The following SDCCAG8 variants were observed in gnomAD, a reference collection of about 807,000 sequenced individuals.
SDCCAG8 encodes the protein serologically defined colon cancer antigen 8.
A neutral mutation model predicts 101.8 loss-of-function variants in SDCCAG8; 74 were observed. The observed-to-expected ratio is 0.73, with a 90% CI of 0.60 to 0.88. SDCCAG8 has a LOEUF of 0.88. Among genes scored for constraint, SDCCAG8 ranks in the 40% least tolerant of loss-of-function variants. The pLI, the probability that SDCCAG8 is intolerant of heterozygous loss-of-function variation, is 0.00. For missense variants in SDCCAG8, 787 were observed against 822.6 expected (o/e 0.96, Z 0.53); for synonymous variants, 281 against 292.9 (o/e 0.96, Z 0.41).
chr1:243,275,868 T>C (rs1052538701), intron 4 of SDCCAG8, among the ~76,000 whole-genome samples: 2 of 136,000 alleles, frequency 1.5e-5, no homozygotes, highest in African/African-American at 5.7e-5. Context: ...TTTTTTTTTT[T>C]TTTTTTTTTT....
At chr1:243,319,666 C>T (rs916655161) in intron 9 of SDCCAG8, among the ~76,000 whole-genome samples, 4 of 152,162 alleles carry the variant, frequency 2.6e-5, no homozygotes, top group African/African-American at 4.8e-5. Flanking sequence ...AGCCACCGCG[C>T]CTGGCCCCTT....
At chr1:243,385,411 GA>G in intron 13 of SDCCAG8, among the ~76,000 whole-genome samples, 1 of 152,128 alleles carries the variant, frequency 6.6e-6, no homozygotes, top group Middle Eastern at 3.4e-3. Flanking sequence ...AAAAAAGTAA[GA>G]AAAAGAACAT....
intron 11 of SDCCAG8, 99 bp downstream of exon 11, chr1:243,341,272 G>A: frequency 7.3e-7 from 1 of 1,363,048 alleles, no homozygotes; most frequent in Non-Finnish European, 1.0e-6. Context: ...TCAGGAGGAA[G>A]TTTGGAGTAG....
intron 12 of SDCCAG8, among the ~76,000 whole-genome samples, chr1:243,349,218 T>C (rs1310885783): frequency 6.6e-6 from 1 of 152,206 alleles, no homozygotes; most frequent in Non-Finnish European, 1.5e-5. Flanking sequence ...CACTCACATA[T>C]ACAGACACAT....
chr1:243,348,775 C>T (rs2075899008), intron 12 of SDCCAG8, among the ~76,000 whole-genome samples: 1 of 148,988 alleles, frequency 6.7e-6, no homozygotes, highest in African/African-American at 2.5e-5. Flanking sequence ...GAGTTTGAGA[C>T]CAGCCTGACC....
At chr1:243,440,165 C>T (rs1406911906) in intron 16 of SDCCAG8, among the ~76,000 whole-genome samples, 4 of 152,080 alleles carry the variant, frequency 2.6e-5, no homozygotes, top group African/African-American at 7.2e-5. Flanking sequence ...GAGAGAAAAA[C>T]GGAAAAGGTC....
intron 12 of SDCCAG8, among the ~76,000 whole-genome samples, chr1:243,363,243 T>TC (rs1238742122): frequency 6.6e-6 from 1 of 152,234 alleles, no homozygotes; most frequent in Non-Finnish European, 1.5e-5. Context: ...TGTTTATTTT[T>TC]CTGTTTAAGA....
At chr1:243,296,389 C>A (rs1166659485) in intron 6 of SDCCAG8, among the ~76,000 whole-genome samples, 1 of 152,192 alleles carries the variant, frequency 6.6e-6, no homozygotes, top group Non-Finnish European at 1.5e-5. Flanking sequence ...TCACTTCCAA[C>A]TATCACCCTA....
chr1:243,333,565 A>G (rs2074781157), intron 10 of SDCCAG8, among the ~76,000 whole-genome samples: 1 of 152,144 alleles, frequency 6.6e-6, no homozygotes, highest in Admixed American at 6.5e-5. Flanking sequence ...TTGTCCATAC[A>G]TGTTGTCTTT....
At chr1:243,417,899 T>A in intron 14 of SDCCAG8, 69 bp from the exon 15 acceptor site, 1 of 1,107,372 alleles carries the variant, frequency 9.0e-7, no homozygotes, top group South Asian at 1.2e-5. Flanking sequence ...TACCACTCTA[T>A]GTATGGAAGC....
At chr1:243,419,213 C>T (rs1378966849) in intron 15 of SDCCAG8, among the ~76,000 whole-genome samples, 1 of 152,040 alleles carries the variant, frequency 6.6e-6, no homozygotes, top group Non-Finnish European at 1.5e-5. Flanking sequence ...GACATGCGCA[C>T]CTTCCTAGCG....
At chr1:243,370,939 C>T (rs756337673) in intron 12 of SDCCAG8, among the ~76,000 whole-genome samples, 1 of 152,076 alleles carries the variant, frequency 6.6e-6, no homozygotes, top group Non-Finnish European at 1.5e-5. Flanking sequence ...TTAAGTTGCA[C>T]GTTGATTCTT....
At chr1:243,330,490 T>A (rs758036488) in intron 9 of SDCCAG8, 50 bp from the exon 10 acceptor site, 16 of 1,592,980 alleles carry the variant, frequency 1.0e-5, no homozygotes, top group African/African-American at 1.3e-5. Flanking sequence ...ATTTTACCTA[T>A]ATTTTTTCCA....
At chr1:243,340,363 C>G (rs1296039928) in intron 10 of SDCCAG8, among the ~76,000 whole-genome samples, 2 of 152,208 alleles carry the variant, frequency 1.3e-5, no homozygotes, top group Non-Finnish European at 2.9e-5. Flanking sequence ...GCATGACTGT[C>G]TCAGTGCACA....
intron 1 of SDCCAG8, among the ~76,000 whole-genome samples, chr1:243,269,742 A>C (rs529647589): frequency 2.0e-5 from 3 of 152,130 alleles, no homozygotes; most frequent in African/African-American, 7.2e-5. Flanking sequence ...TCTGTCTCCA[A>C]GTTGGTAAAG....
intron 13 of SDCCAG8, among the ~76,000 whole-genome samples, chr1:243,388,514 T>C (rs1241522287): frequency 6.6e-6 from 1 of 152,068 alleles, no homozygotes; most frequent in Non-Finnish European, 1.5e-5. Flanking sequence ...TCAGGGATCC[T>C]GGGTGAGTAA....
intron 13 of SDCCAG8, among the ~76,000 whole-genome samples, chr1:243,380,604 G>C (rs1021687420): frequency 3.3e-5 from 5 of 152,090 alleles, no homozygotes; most frequent in African/African-American, 9.7e-5. Context: ...TTAAGATGCA[G>C]CAACTGCTGA....
intron 16 of SDCCAG8, among the ~76,000 whole-genome samples, chr1:243,473,214 A>G (rs1661599940): frequency 6.6e-6 from 1 of 152,184 alleles, no homozygotes; most frequent in Admixed American, 6.5e-5. Flanking sequence ...CAGTCTTAGA[A>G]TTTCTTGAAA....
At position 243,478,696 on chromosome 1, in the gene SDCCAG8, C is replaced by T. The variant is rs545383128; in HGVS notation, c.1986-10318C>T. Among the ~76,000 whole-genome samples the T allele has an allele frequency of 4.7e-4, 71 of 152,222 alleles. No individual in the cohort carries two copies. The South Asian group carries it at 0.014, about 31-fold the overall frequency. Reference sequence around the variant, plus strand: ...AGCCACTAAAAGTGCGTTAATGTCACGCCTGTAATCCCAGCACTTTGGGAA... The same window carrying T: ...AGCCACTAAAAGTGCGTTAATGTCATGCCTGTAATCCCAGCACTTTGGGAA... On this transcript the variant is annotated intron_variant, in intron 16 of 17. Transcript: ENST00000366541.
Sources: gnomAD v4.1 joint callset for allele counts (sites outside exome capture counted in the v4.1 genomes callset) on GRCh38, gnomAD v4.1.1 for gene constraint, MANE v1.5 for transcripts, NCBI Gene and HGNC (gene_info 2026-07-23, HGNC 2026-07-21) for gene names.